The following SULT1B1 variants were observed in gnomAD, a reference collection of about 807,000 sequenced individuals.
SULT1B1 encodes the protein sulfotransferase 1B1.
SULT1B1 carries 28 observed loss-of-function variants against 34.6 expected under a neutral mutation model. That is an observed-to-expected ratio of 0.81 (90% CI 0.60 to 1.11). The LOEUF (loss-of-function observed/expected upper bound fraction) is 1.11, where lower values mean the gene tolerates loss of function less well. Among genes scored for constraint, SULT1B1 ranks in the 50% least tolerant of loss-of-function variants. SULT1B1 has a pLI of 0.00. For missense variants in SULT1B1, 374 were observed against 352.2 expected (o/e 1.06, Z -0.50); for synonymous variants, 147 against 110.2 (o/e 1.33, Z -2.09).
At chr4:69,733,371 T>G (rs1268606376) in intron 6 of SULT1B1, 42 bp downstream of exon 6, 2 of 1,394,734 alleles carry the variant, frequency 1.4e-6, no homozygotes, top group Non-Finnish European at 2.0e-6. Flanking sequence ...TACAGCATGA[T>G]GCAGTGGGGA....
intron 5 of SULT1B1, 64 bp from the exon 6 acceptor site, chr4:69,733,571 G>A: frequency 8.2e-7 from 1 of 1,217,114 alleles, no homozygotes; most frequent in South Asian, 1.5e-5. Flanking sequence ...TGTCTGAATA[G>A]TAAATCAAAT....
rs1172554014 is a variant in SULT1B1, at chr4:69,721,879, G to C, written c.*5209C>G. 1 of 152,098 alleles carries C rather than the reference G, an allele frequency of 6.6e-6. No individual in the cohort carries two copies. Among genetic ancestry groups the C allele is most frequent in the Non-Finnish European group, 1.5e-5 (1 of 67,970 alleles). The allele number at this position is 152,098 out of a possible 1,614,324, so 9.4% of individuals were successfully genotyped here. On this transcript the variant is annotated 3_prime_UTR_variant, in exon 8 of 8. Coordinates refer to ENST00000310613, the MANE Select transcript of SULT1B1 (RefSeq NM_014465.4). ...CTGTCCTTACATCATGGTTCTGTTA[G>C]AGAAAGATTGTAATATGAGATTATT... is the stretch of plus-strand genomic sequence containing the variant.
intron 4 of SULT1B1, among the ~76,000 whole-genome samples, chr4:69,734,975 C>G (rs1341456527): frequency 6.6e-6 from 1 of 151,986 alleles, no homozygotes; most frequent in Non-Finnish European, 1.5e-5. Flanking sequence ...CCCGCCACCA[C>G]GCCTGGCTAA....
At chr4:69,729,824 C>A (rs928346356) in intron 7 of SULT1B1, among the ~76,000 whole-genome samples, 4 of 151,992 alleles carry the variant, frequency 2.6e-5, no homozygotes, top group African/African-American at 9.7e-5. Flanking sequence ...GATAACTTCT[C>A]AAAGTTATTT....
intron 7 of SULT1B1, among the ~76,000 whole-genome samples, chr4:69,729,307 G>A (rs1717966332): frequency 6.6e-6 from 1 of 152,012 alleles, no homozygotes. Flanking sequence ...TTTGCATGAT[G>A]AGAAACCCAC....
Position 69,739,179 on chromosome 4 carries a change from G to C in SULT1B1, c.376-4915C>G, listed in dbSNP as rs557522650. ...CTATTCTAGGGTCTGGGGGATGGTG[G>C]CCCTCTTCTCACAGCTCCACTAGGT... On this transcript the variant is annotated intron_variant, in intron 4 of 7. Coordinates refer to ENST00000310613, the MANE Select transcript of SULT1B1 (RefSeq NM_014465.4). Among the ~76,000 whole-genome samples the C allele has an allele frequency of 1.7e-4, 26 of 152,236 alleles. No homozygotes were observed. The East Asian group carries it at 1.9e-3, about 11-fold the overall frequency.
chr4:69,735,518 C>T (rs1335391555), intron 4 of SULT1B1, among the ~76,000 whole-genome samples: 1 of 152,180 alleles, frequency 6.6e-6, no homozygotes, highest in African/African-American at 2.4e-5. Flanking sequence ...TAAGCAGTCC[C>T]ACCCATTCAC....
intron 1 of SULT1B1, among the ~76,000 whole-genome samples, chr4:69,759,432 C>T (rs1382871829): frequency 6.6e-6 from 1 of 152,134 alleles, no homozygotes; most frequent in African/African-American, 2.4e-5. Context: ...AGGTCAGGCA[C>T]TTCATGCTGT....
chr4:69,735,788 C>T (rs960532449), intron 4 of SULT1B1, among the ~76,000 whole-genome samples: 1 of 152,190 alleles, frequency 6.6e-6, no homozygotes, highest in Admixed American at 6.5e-5. Context: ...CATTCCATTA[C>T]AAGTTGTCTT....
At chr4:69,730,919 T>C (rs180976122) in intron 6 of SULT1B1, among the ~76,000 whole-genome samples, 146 of 152,228 alleles carry the variant, frequency 9.6e-4, no homozygotes, top group Admixed American at 1.4e-3. Context: ...GAACTTAAGG[T>C]GTGTCAGTGG....
chr4:69,746,350 A>G (rs1184568086), intron 4 of SULT1B1, among the ~76,000 whole-genome samples: 1 of 152,168 alleles, frequency 6.6e-6, no homozygotes, highest in African/African-American at 2.4e-5. Context: ...CCAGTGAGTC[A>G]CAGGTTTGGT....
At chr4:69,738,884 G>GA (rs1206364774) in intron 4 of SULT1B1, among the ~76,000 whole-genome samples, 22 of 151,990 alleles carry the variant, frequency 1.4e-4, no homozygotes, top group East Asian at 5.8e-4. Flanking sequence ...TTCCAAATGG[G>GA]AAAAAAATGG....
At chr4:69,728,158 G>A (rs551412337) in intron 7 of SULT1B1, among the ~76,000 whole-genome samples, 3 of 152,072 alleles carry the variant, frequency 2.0e-5, no homozygotes, top group South Asian at 4.1e-4. Context: ...GCATCCGTAA[G>A]GATGTCATTA....
rs1017860388 is a variant in SULT1B1 at position 69,725,458 on chromosome 4, T to C, written c.*1630A>G. 2.0e-5 allele frequency: 3 copies of C among 152,216 alleles called. No individual in the cohort carries two copies. The highest frequency in any genetic ancestry group is 4.4e-5 in the Non-Finnish European group (3 of 68,050). The allele number at this position is 152,216 out of a possible 1,614,324, so 9.4% of individuals were successfully genotyped here. ...CTAGTTCAACCATTGTGGAAGACAG[T>C]GTGGCAATTCCTCAGAGATCTAGAA... On this transcript the variant is annotated 3_prime_UTR_variant, in exon 8 of 8. Coordinates refer to ENST00000310613, the MANE Select transcript of SULT1B1 (RefSeq NM_014465.4).
intron 6 of SULT1B1, among the ~76,000 whole-genome samples, chr4:69,732,832 T>C (rs899915897): frequency 2.6e-5 from 4 of 151,740 alleles, no homozygotes; most frequent in African/African-American, 7.3e-5. Context: ...TCTGAACCAA[T>C]TGAATGTGCA....
intron 3 of SULT1B1, among the ~76,000 whole-genome samples, chr4:69,753,594 A>G (rs985594884): frequency 2.6e-5 from 4 of 152,168 alleles, no homozygotes; most frequent in Non-Finnish European, 5.9e-5. Flanking sequence ...GACTATATCA[A>G]GATCTTCCTG....
intron 4 of SULT1B1, among the ~76,000 whole-genome samples, chr4:69,743,873 G>A (rs1305472964): frequency 2.0e-5 from 3 of 152,176 alleles, no homozygotes; most frequent in Admixed American, 6.5e-5. Flanking sequence ...AACAAGGTGG[G>A]GGCCTTCCTT....
rs983366891 is a variant in SULT1B1, at chr4:69,721,228, C to T, written c.*5860G>A. On this transcript the variant is annotated 3_prime_UTR_variant, in exon 8 of 8. Transcript: ENST00000310613. ...CAGTTAAAAAAGGATTACTTCACTGCTGAAAGTAATGTCTCGATAATGTGG... is the reference window on the plus strand; with the variant it reads ...CAGTTAAAAAAGGATTACTTCACTGTTGAAAGTAATGTCTCGATAATGTGG... 6.6e-6 allele frequency: 1 copy of T among 151,988 alleles called. No homozygotes were observed. The highest frequency in any genetic ancestry group is 1.5e-5 in the Non-Finnish European group (1 of 67,988). 9.4% of individuals were successfully genotyped at this position (151,988 alleles called of 1,614,324 possible).
At chr4:69,733,539 C>T (rs1443147949) in intron 5 of SULT1B1, 32 bp from the exon 6 acceptor site, 2 of 1,451,350 alleles carry the variant, frequency 1.4e-6, no homozygotes, top group Non-Finnish European at 1.9e-6. Context: ...TTTTCATAAA[C>T]ATTCATCAAA....
Sources: allele counts gnomAD v4.1 joint callset (sites outside exome capture counted in the v4.1 genomes callset), GRCh38; gene constraint gnomAD v4.1.1; transcripts MANE v1.5; gene names NCBI Gene and HGNC (gene_info 2026-07-23, HGNC 2026-07-21).